CPLX2: variants seen among roughly 807,000 people sequenced by gnomAD.
CPLX2 encodes the protein complexin 2, also known as complexin-2.
CPLX2 carries 5 observed loss-of-function variants against 16.3 expected under a neutral mutation model. The observed-to-expected ratio is 0.31, with a 90% CI of 0.16 to 0.64. CPLX2 has a LOEUF of 0.64. Ranked by LOEUF, CPLX2 falls within the 30% of genes least tolerant of loss-of-function variation. The pLI, the probability that CPLX2 is intolerant of heterozygous loss-of-function variation, is 0.79. For missense variants in CPLX2, 144 were observed against 181.4 expected (o/e 0.79, Z 1.18); for synonymous variants, 89 against 73.2 (o/e 1.22, Z -1.10).
At position 175,872,375 on chromosome 5, in the gene CPLX2, C is replaced by T. The variant is rs1219798962; in HGVS notation, c.-89+670C>T. Among the ~76,000 whole-genome samples, 3 of 152,190 alleles carry T rather than the reference C, an allele frequency of 2.0e-5. No homozygotes were observed. Among genetic ancestry groups the T allele is most frequent in the African/African-American group, 7.2e-5 (3 of 41,436 alleles). ...GTCTTCGGGAACGACCCCTTCTGTG[C>T]TCTCGTTCTCGTCGGCCTCAATCTG... On this transcript the variant is annotated intron_variant, in intron 1 of 3. Coordinates refer to ENST00000393745, the MANE Select transcript of CPLX2 (RefSeq NM_001008220.2). This position sits in a 1 kb window ranked among gnomAD's most constrained non-coding sequence, Gnocchi z 5.0.
upstream of CPLX2, among the ~76,000 whole-genome samples, chr5:175,871,193 G>C (rs1759583495): frequency 6.6e-6 from 1 of 151,808 alleles, no homozygotes; most frequent in African/African-American, 2.4e-5. Context: ...CTCCTCAGGA[G>C]CAGCAAGCTT....
chr5:175,805,877 G>A (rs1758190597), intron 1 of CPLX2, among the ~76,000 whole-genome samples: 3 of 152,122 alleles, frequency 2.0e-5, no homozygotes, highest in Admixed American at 6.5e-5. Context: ...CCATGTCACC[G>A]CTACACACAC....
At chr5:175,837,640 T>C (rs993233054) in intron 2 of CPLX2, 2 of 150,378 alleles carry the variant, frequency 1.3e-5, no homozygotes, top group African/African-American at 2.5e-5. Context: ...CTCAGCTGGA[T>C]GGGCGTGGTG....
chr5:175,854,766 G>C (rs1227549694), intron 2 of CPLX2, among the ~76,000 whole-genome samples: 2 of 152,182 alleles, frequency 1.3e-5, no homozygotes, highest in African/African-American at 4.8e-5. Flanking sequence ...AGTGAATTTT[G>C]CAGTGTCAGA....
intron 2 of CPLX2, among the ~76,000 whole-genome samples, chr5:175,818,016 T>C (rs1038343452): frequency 1.3e-5 from 2 of 152,132 alleles, no homozygotes; most frequent in African/African-American, 4.8e-5. Flanking sequence ...ACTCCCTGTT[T>C]CTCCACCCTG....
At chr5:175,815,531 T>C (rs1010961774) in intron 2 of CPLX2, among the ~76,000 whole-genome samples, 1 of 152,178 alleles carries the variant, frequency 6.6e-6, no homozygotes, top group African/African-American at 2.4e-5. Context: ...CTGGTTTGTT[T>C]AAATGAAGGC....
At chr5:175,854,753 C>G (rs1313740590) in intron 2 of CPLX2, among the ~76,000 whole-genome samples, 1 of 152,146 alleles carries the variant, frequency 6.6e-6, no homozygotes, top group African/African-American at 2.4e-5. Flanking sequence ...ACAGCAGAGC[C>G]AGAGTGAATT....
At chr5:175,860,440 G>GGA (rs1561786244) in intron 2 of CPLX2, among the ~76,000 whole-genome samples, 7 of 123,710 alleles carry the variant, frequency 5.7e-5, no homozygotes, top group African/African-American at 2.3e-4. Flanking sequence ...AAGGAAGAAA[G>GGA]AGAAAGAAAG....
chr5:175,817,964 G>A (rs1009393767), intron 2 of CPLX2, among the ~76,000 whole-genome samples: 7 of 152,160 alleles, frequency 4.6e-5, no homozygotes, highest in African/African-American at 1.7e-4. Flanking sequence ...GAAAACAGGA[G>A]CCTCAAATAA....
chr5:175,814,202 A>G (rs931437359), intron 2 of CPLX2, among the ~76,000 whole-genome samples: 3 of 152,230 alleles, frequency 2.0e-5, no homozygotes, highest in African/African-American at 7.2e-5. Flanking sequence ...GAATGTCTCC[A>G]GGCCCCACCA....
In CPLX2 at chr5:175,858,008, G is replaced by A. The variant is rs531744231; in HGVS notation, c.-88-20644G>A. ...GCATACACTGTCTCAGCCCAGCAAC[G>A]TGCCTGCAAGGAAAGTGTCAACATC... On this transcript the variant is annotated intron_variant, in intron 2 of 4. Transcript: ENST00000359546. 7.9e-5 allele frequency among the ~76,000 whole-genome samples: 12 copies of A among 152,350 alleles called. No homozygotes were observed. The East Asian group carries it at 1.2e-3, about 15-fold the overall frequency.
chr5:175,805,012 A>G (rs1376192776), intron 1 of CPLX2, among the ~76,000 whole-genome samples: 1 of 152,326 alleles, frequency 6.6e-6, no homozygotes, highest in Non-Finnish European at 1.5e-5. Flanking sequence ...AATTATAGGT[A>G]GCTTCTATGG....
chr5:175,825,937 C>CAAAAAAAAA (rs35250246), intron 2 of CPLX2, among the ~76,000 whole-genome samples: 6 of 44,412 alleles, frequency 1.4e-4, no homozygotes, highest in Non-Finnish European at 1.5e-4. Context: ...TGAATAAGTG[C>CAAAAAAAAA]AAAAAAAAAA....
chr5:175,864,929 C>A (rs1455711022), intron 2 of CPLX2, among the ~76,000 whole-genome samples: 1 of 152,112 alleles, frequency 6.6e-6, no homozygotes, highest in East Asian at 1.9e-4. Context: ...AGTCCTTTCC[C>A]CTTTCTCACC....
upstream of CPLX2, among the ~76,000 whole-genome samples, chr5:175,869,767 G>A (rs1759549869): frequency 1.3e-5 from 2 of 152,124 alleles, no homozygotes; most frequent in South Asian, 4.1e-4. Context: ...CCCTTCTCGA[G>A]CTTGACATAC....
At chr5:175,869,112 T>C (rs1479977791), upstream of CPLX2, among the ~76,000 whole-genome samples, 1 of 152,212 alleles carries the variant, frequency 6.6e-6, no homozygotes, top group African/African-American at 2.4e-5. Context: ...GGGAAGCATG[T>C]CAAGGCTGGT....
At chr5:175,861,488 CT>C (rs1759370655) in intron 2 of CPLX2, 1 of 152,220 alleles carries the variant, frequency 6.6e-6, no homozygotes, top group South Asian at 2.1e-4. Flanking sequence ...CACTGAAGGC[CT>C]TTGAGCACAG....
In CPLX2 at chr5:175,830,989, G is replaced by A. The variant is rs1053747306; in HGVS notation, c.-89+21921G>A. On this transcript the variant is annotated intron_variant, in intron 2 of 4. Coordinates refer to the CPLX2 transcript ENST00000359546. This position sits in a 1 kb window ranked among gnomAD's most constrained non-coding sequence, Gnocchi z 4.0. ...CGATTGTGAGCATGGCTGGGGGTGC[G>A]CGTGTGTGCTCATGGCAGCTGAGTG... Among the ~76,000 whole-genome samples the A allele has an allele frequency of 2.6e-4, 39 of 152,216 alleles. 1 individual carries two copies. Among genetic ancestry groups the A allele is most frequent in the African/African-American group, 8.0e-4 (33 of 41,458 alleles).
chr5:175,822,077 T>C (rs548991156), intron 2 of CPLX2, among the ~76,000 whole-genome samples: 3 of 152,222 alleles, frequency 2.0e-5, no homozygotes, highest in South Asian at 2.1e-4. Context: ...GCCTGGAACG[T>C]AGGGAATTTG....
Sources: gnomAD v4.1 joint callset for allele counts (sites outside exome capture counted in the v4.1 genomes callset) on GRCh38, gnomAD v4.1.1 for gene constraint, Gnocchi (gnomAD v3.1) non-coding constraint, MANE v1.5 for transcripts, NCBI Gene and HGNC (gene_info 2026-07-23, HGNC 2026-07-21) for gene names.